The following NDUFAF2 variants were observed in gnomAD, a reference collection of about 807,000 sequenced individuals.
The protein encoded by NDUFAF2 is NADH dehydrogenase [ubiquinone] 1 alpha subcomplex assembly factor 2.
Under a neutral mutation model 22.8 loss-of-function variants are expected in NDUFAF2, and 13 were observed. That is an observed-to-expected ratio of 0.57 (90% CI 0.37 to 0.91). The LOEUF is 0.91. Among genes scored for constraint, NDUFAF2 ranks in the 40% least tolerant of loss-of-function variants. The pLI, the probability that NDUFAF2 is intolerant of heterozygous loss-of-function variation, is 0.01. For missense variants in NDUFAF2, 162 were observed against 195.2 expected (o/e 0.83, Z 1.01); for synonymous variants, 53 against 64.2 (o/e 0.83, Z 0.84).
chr5:61,090,484 A>C (rs1414043538), intron 2 of NDUFAF2, among the ~76,000 whole-genome samples: 1 of 152,076 alleles, frequency 6.6e-6, no homozygotes, highest in Non-Finnish European at 1.5e-5. Context: ...TGGTAGGCTA[A>C]ACTTGGCTTG....
chr5:61,016,190 A>AT (rs138407203), intron 1 of NDUFAF2, among the ~76,000 whole-genome samples: 61,267 of 146,620 alleles, frequency 0.42, 13,353 homozygotes, highest in East Asian at 0.82. Flanking sequence ...ATCTAAAAAA[A>AT]AAATATATAT....
intron 1 of NDUFAF2, among the ~76,000 whole-genome samples, chr5:60,977,573 C>T (rs1314600365): frequency 6.6e-6 from 1 of 152,052 alleles, no homozygotes; most frequent in Admixed American, 6.6e-5. Context: ...TGTGGTGGCT[C>T]ACACCAGTAA....
chr5:60,991,002 T>C (rs2112585198), intron 1 of NDUFAF2, among the ~76,000 whole-genome samples: 1 of 152,272 alleles, frequency 6.6e-6, no homozygotes, highest in African/African-American at 2.4e-5. Flanking sequence ...CAAAAAATTT[T>C]CAAAGTGATT....
At chr5:61,083,194 C>T (rs1328618202) in intron 2 of NDUFAF2, 2 of 146,828 alleles carry the variant, frequency 1.4e-5, no homozygotes, top group East Asian at 2.2e-4. Flanking sequence ...TGTTCATGCC[C>T]TTTCCCCACT....
intron 1 of NDUFAF2, among the ~76,000 whole-genome samples, chr5:61,042,994 C>T (rs896649093): frequency 2.0e-5 from 3 of 152,060 alleles, no homozygotes; most frequent in Non-Finnish European, 4.4e-5. Context: ...CCAAGGCAGG[C>T]GGATCACTTG....
intron 3 of NDUFAF2, among the ~76,000 whole-genome samples, chr5:61,101,652 CA>C (rs777048254): frequency 6.6e-6 from 1 of 151,976 alleles, no homozygotes; most frequent in Non-Finnish European, 1.5e-5. Context: ...TACCCAACTC[CA>C]AATAAACTTT....
intron 3 of NDUFAF2, among the ~76,000 whole-genome samples, chr5:61,140,955 G>A (rs1279992722): frequency 6.6e-6 from 1 of 152,222 alleles, no homozygotes; most frequent in Non-Finnish European, 1.5e-5. Flanking sequence ...AGGGCTGGGT[G>A]TGGTGGCTCA....
At chr5:61,055,395 G>A (rs772516901) in intron 1 of NDUFAF2, among the ~76,000 whole-genome samples, 10 of 152,174 alleles carry the variant, frequency 6.6e-5, no homozygotes, top group Non-Finnish European at 1.0e-4. Context: ...GTGAAATCAA[G>A]TGGTAAAGTA....
At chr5:61,005,905 G>A (rs1393600471) in intron 1 of NDUFAF2, among the ~76,000 whole-genome samples, 1 of 152,146 alleles carries the variant, frequency 6.6e-6, no homozygotes, top group Non-Finnish European at 1.5e-5. Context: ...TGTTCACTCT[G>A]ATGGTAGTTT....
chr5:61,007,107 G>A (rs1469598270), intron 1 of NDUFAF2, among the ~76,000 whole-genome samples: 1 of 151,964 alleles, frequency 6.6e-6, no homozygotes, highest in Non-Finnish European at 1.5e-5. Flanking sequence ...CTGTGCAGAA[G>A]CTCTTTAGTT....
chr5:61,137,749 G>A (rs1038394830), intron 3 of NDUFAF2, among the ~76,000 whole-genome samples: 1 of 152,234 alleles, frequency 6.6e-6, no homozygotes, highest in South Asian at 2.1e-4. Context: ...GAGCCTTGTT[G>A]TGTTCTTCAG....
At chr5:60,947,558 G>A (rs1469146556) in intron 1 of NDUFAF2, among the ~76,000 whole-genome samples, 1 of 152,060 alleles carries the variant, frequency 6.6e-6, no homozygotes, top group Non-Finnish European at 1.5e-5. Flanking sequence ...CTGAGATCAG[G>A]AGTTCCAGAC....
At chr5:61,028,056 T>C (rs1287286392) in intron 1 of NDUFAF2, among the ~76,000 whole-genome samples, 1 of 151,994 alleles carries the variant, frequency 6.6e-6, no homozygotes, top group Non-Finnish European at 1.5e-5. Context: ...TAATATGATG[T>C]CAAGTAGAAA....
chr5:61,069,771 A>G lies in NDUFAF2; in HGVS notation c.128-3354A>G, dbSNP rs139135193. 1.6e-3 allele frequency among the ~76,000 whole-genome samples: 239 copies of G among 152,060 alleles called. 1 individual carries two copies. The highest frequency in any genetic ancestry group is 2.4e-3 in the Non-Finnish European group (163 of 67,954). On this transcript the variant is annotated intron_variant, in intron 1 of 3. Transcript: ENST00000296597. ...GATATGCCTTGGGATCTCACCTTTT[A>G]TTATGTTTTCTTCCTTCCTTTCTTT...
chr5:60,950,203 A>G (rs1227136053), intron 1 of NDUFAF2, among the ~76,000 whole-genome samples: 1 of 151,438 alleles, frequency 6.6e-6, no homozygotes, highest in Non-Finnish European at 1.5e-5. Context: ...TTTTTTCCCC[A>G]AAGGTGGAAT....
At chr5:61,096,338 C>T (rs974922673) in intron 2 of NDUFAF2, among the ~76,000 whole-genome samples, 1 of 152,126 alleles carries the variant, frequency 6.6e-6, no homozygotes, top group African/African-American at 2.4e-5. Context: ...TGGTGGCTCA[C>T]GCCTGTAATC....
intron 1 of NDUFAF2, among the ~76,000 whole-genome samples, chr5:60,947,358 G>C (rs760380734): frequency 2.6e-5 from 4 of 152,056 alleles, no homozygotes; most frequent in African/African-American, 7.2e-5. Flanking sequence ...GTATCTCATT[G>C]TGATTTTAAG....
chr5:61,151,726 C>T (rs942155257), intron 3 of NDUFAF2, among the ~76,000 whole-genome samples: 2 of 149,484 alleles, frequency 1.3e-5, no homozygotes, highest in Admixed American at 6.6e-5. Flanking sequence ...TGCGGTGAGC[C>T]GAGGTTGCGG....
chr5:61,084,537 T>C (rs1036778696), intron 2 of NDUFAF2, among the ~76,000 whole-genome samples: 9 of 152,230 alleles, frequency 5.9e-5, no homozygotes, highest in African/African-American at 2.2e-4. Flanking sequence ...ATCTGACTAC[T>C]CTAAGTACGT....
Sources: gnomAD v4.1 joint callset for allele counts (sites outside exome capture counted in the v4.1 genomes callset) on GRCh38, gnomAD v4.1.1 for gene constraint, MANE v1.5 for transcripts, NCBI Gene and HGNC (gene_info 2026-07-23, HGNC 2026-07-21) for gene names.